The following PTPRN2 variants were observed in gnomAD, a reference collection of about 807,000 sequenced individuals.
PTPRN2 encodes receptor-type tyrosine-protein phosphatase N2.
In PTPRN2, 74 loss-of-function variants were observed where a neutral mutation model predicts 118.8. The ratio of observed to expected loss-of-function variants is 0.62; its 90% CI spans 0.52 to 0.76. The LOEUF is 0.76. Among genes scored for constraint, PTPRN2 ranks in the 30% least tolerant of loss-of-function variants. The probability of loss-of-function intolerance (pLI) is 0.00; values close to 1 mark genes in which losing one functional copy is unlikely to be tolerated. For synonymous variants in PTPRN2, 641 were observed against 608.0 expected (o/e 1.05, Z -0.80); for missense variants, 1,481 against 1,394.4 (o/e 1.06, Z -0.99).
chr7:157,797,264 G>A (rs1481591926), intron 12 of PTPRN2, among the ~76,000 whole-genome samples: 4 of 152,264 alleles, frequency 2.6e-5, no homozygotes, highest in African/African-American at 9.6e-5. Context: ...CAGCCCCAAA[G>A]GCTATCTGAT....
At chr7:158,308,197 T>C (rs1170881445) in intron 3 of PTPRN2, among the ~76,000 whole-genome samples, 1 of 152,220 alleles carries the variant, frequency 6.6e-6, no homozygotes, top group Admixed American at 6.5e-5. Context: ...AGTGGAATGA[T>C]ATATTCAAAG....
chr7:157,624,522 C>G (rs1803455789), intron 14 of PTPRN2, among the ~76,000 whole-genome samples: 1 of 152,148 alleles, frequency 6.6e-6, no homozygotes, highest in African/African-American at 2.4e-5. Flanking sequence ...TCCTCTGCTG[C>G]TGGGCAAACC....
intron 2 of PTPRN2, among the ~76,000 whole-genome samples, chr7:158,439,432 G>C (rs2129432530): frequency 6.6e-6 from 1 of 152,238 alleles, no homozygotes; most frequent in South Asian, 2.1e-4. Context: ...TTTTTTTAAG[G>C]GTTGTAGGAA....
intron 3 of PTPRN2, among the ~76,000 whole-genome samples, chr7:158,303,182 A>AAAAACAAAAC (rs1274915635): frequency 9.9e-5 from 15 of 151,684 alleles, no homozygotes; most frequent in African/African-American, 3.7e-4. Context: ...AAAAAAAAAA[A>AAAAACAAAAC]AAATTCTTTG....
At position 158,070,690 on chromosome 7, in the gene PTPRN2, G is replaced by A. The variant is rs1325002407; in HGVS notation, c.1723+10608C>T. Among the ~76,000 whole-genome samples the A allele has an allele frequency of 3.2e-4, 30 of 93,020 alleles. 1 individual carries two copies. The highest frequency in any genetic ancestry group is 5.8e-4 in the Non-Finnish European group (25 of 43,044). 61.0% of individuals were successfully genotyped at this position (93,020 alleles called of 152,430 possible). On this transcript the variant is annotated intron_variant, in intron 11 of 22. Coordinates refer to ENST00000389418, the MANE Select transcript of PTPRN2 (RefSeq NM_002847.5). The stretch of plus-strand genomic sequence containing the variant: ...TGGTGGTGGAGGTGCCCGTGGTGGC[G>A]GAGGTGCCCCTGGTGGCGGAGGTGC...
chr7:158,331,029 T>C (rs1363830984), intron 2 of PTPRN2, among the ~76,000 whole-genome samples: 1 of 135,550 alleles, frequency 7.4e-6, no homozygotes, highest in African/African-American at 2.8e-5. Context: ...ATCCACACTC[T>C]CACCATAAGA....
chr7:158,134,182 G>C (rs896371931), intron 8 of PTPRN2, 123 bp from the exon 9 acceptor site: 1 of 1,164,002 alleles, frequency 8.6e-7, no homozygotes, highest in South Asian at 1.5e-5. Flanking sequence ...GAAGGAGAGT[G>C]TGGGAGGAAG....
chr7:157,821,924 A>G lies in PTPRN2; in HGVS notation c.1788+76749T>C, dbSNP rs1361110288. ...TCCAGGCACTCATTCATCCATCTATATATACACTATCCATCATCCATACAC... is the reference window on the plus strand; with the variant it reads ...TCCAGGCACTCATTCATCCATCTATGTATACACTATCCATCATCCATACAC... On this transcript the variant is annotated intron_variant, in intron 12 of 22. Transcript: ENST00000389418. Among the ~76,000 whole-genome samples the G allele has an allele frequency of 2.6e-5, 4 of 152,008 alleles. No homozygotes were observed. In the East Asian group the frequency reaches 7.7e-4, roughly 29 times the overall value.
chr7:158,397,304 C>T (rs1178178471), intron 2 of PTPRN2, among the ~76,000 whole-genome samples: 2 of 152,204 alleles, frequency 1.3e-5, no homozygotes, highest in Non-Finnish European at 2.9e-5. Context: ...ACATGAGCTG[C>T]GCCCATCCAG....
intron 11 of PTPRN2, among the ~76,000 whole-genome samples, chr7:158,047,375 A>G (rs1808959134): frequency 6.6e-6 from 1 of 152,230 alleles, no homozygotes; most frequent in African/African-American, 2.4e-5. Context: ...CATCATGTCC[A>G]AGGGCAATCT....
chr7:158,281,471 T>C (rs371727065), intron 3 of PTPRN2, among the ~76,000 whole-genome samples: 10 of 152,318 alleles, frequency 6.6e-5, no homozygotes, highest in African/African-American at 2.4e-4. Context: ...GCACAGCCAT[T>C]TGCATGTAAC....
chr7:158,098,878 G>C (rs749478699), intron 10 of PTPRN2, among the ~76,000 whole-genome samples: 1 of 151,980 alleles, frequency 6.6e-6, no homozygotes, highest in Non-Finnish European at 1.5e-5. Flanking sequence ...GAAGATGGTA[G>C]AAGGTGACAG....
chr7:158,247,162 C>T (rs1796310004), intron 3 of PTPRN2, among the ~76,000 whole-genome samples: 1 of 152,170 alleles, frequency 6.6e-6, no homozygotes, highest in Non-Finnish European at 1.5e-5. Flanking sequence ...GCCCCTGCAT[C>T]TCACTACACA....
chr7:157,990,860 C>T lies in PTPRN2; in HGVS notation c.1723+90438G>A, dbSNP rs958890166. 7.9e-5 allele frequency among the ~76,000 whole-genome samples: 12 copies of T among 152,194 alleles called. No homozygotes were observed. Among genetic ancestry groups the T allele is most frequent in the East Asian group, 7.7e-4 (4 of 5,172 alleles). On this transcript the variant is annotated intron_variant, in intron 11 of 22. Coordinates refer to ENST00000389418, the MANE Select transcript of PTPRN2 (RefSeq NM_002847.5). This position sits in a 1 kb window ranked among gnomAD's most constrained non-coding sequence, Gnocchi z 4.3. ...TGACCAGCCCAGTCCCAGCGCTTAC[C>T]GAGGAGGACTGGGGAGGGGGGCCGA...
chr7:158,160,010 A>C (rs1237278754), intron 6 of PTPRN2, among the ~76,000 whole-genome samples: 1 of 152,216 alleles, frequency 6.6e-6, no homozygotes, highest in East Asian at 1.9e-4. Flanking sequence ...CTAATGTTTA[A>C]AATCCCCTAA....
At chr7:158,342,920 G>A (rs1009011448) in intron 2 of PTPRN2, among the ~76,000 whole-genome samples, 8 of 152,100 alleles carry the variant, frequency 5.3e-5, no homozygotes, top group Non-Finnish European at 1.0e-4. Context: ...AAAAGCGAAG[G>A]AGAACGGCAG....
chr7:157,887,365 T>C lies in PTPRN2; in HGVS notation c.1788+11308A>G, dbSNP rs191609517. 6.3e-4 allele frequency among the ~76,000 whole-genome samples: 96 copies of C among 151,874 alleles called. 1 individual carries two copies. Among genetic ancestry groups the C allele is most frequent in the African/African-American group, 2.2e-3 (91 of 41,380 alleles). On this transcript the variant is annotated intron_variant, in intron 12 of 22. Transcript: ENST00000389418. ...TCAACTAATGCATATTAGAATAAAA[T>C]AGAGTGACAGTGCAGGAAATGACAA...
At chr7:157,826,681 T>G (rs1011341974) in intron 12 of PTPRN2, among the ~76,000 whole-genome samples, 1 of 152,046 alleles carries the variant, frequency 6.6e-6, no homozygotes, top group African/African-American at 2.4e-5. Context: ...AGTTCACAGG[T>G]GAGGGCCCTG....
intron 2 of PTPRN2, among the ~76,000 whole-genome samples, chr7:158,472,962 C>T (rs371605817): frequency 2.7e-5 from 4 of 150,884 alleles, no homozygotes; most frequent in Middle Eastern, 3.4e-3. Flanking sequence ...CCACACTGCA[C>T]TGCTGAGCCA....
Sources: gnomAD v4.1 joint callset for allele counts (sites outside exome capture counted in the v4.1 genomes callset) on GRCh38, gnomAD v4.1.1 for gene constraint, Gnocchi (gnomAD v3.1) non-coding constraint, MANE v1.5 for transcripts, NCBI Gene and HGNC (gene_info 2026-07-23, HGNC 2026-07-21) for gene names.